The following SLC24A2 variants were observed in gnomAD, a reference collection of about 807,000 sequenced individuals.
SLC24A2 encodes the protein solute carrier family 24 member 2, also known as sodium/potassium/calcium exchanger 2.
In SLC24A2, 36 loss-of-function variants were observed where a neutral mutation model predicts 62.0. That is an observed-to-expected ratio of 0.58 (90% CI 0.44 to 0.77). The LOEUF is 0.77. Among genes scored for constraint, SLC24A2 ranks in the 30% least tolerant of loss-of-function variants. The pLI is 0.00. For missense variants in SLC24A2, 846 were observed against 817.9 expected, an observed-to-expected ratio of 1.03 and a Z score of -0.42; for synonymous variants, 358 against 294.0, an observed-to-expected ratio of 1.22 and a Z score of -2.23.
At chr9:19,780,413 G>C (rs572371519) in intron 2 of SLC24A2, among the ~76,000 whole-genome samples, 1 of 151,112 alleles carries the variant, frequency 6.6e-6, no homozygotes. Context: ...GATTACAGGC[G>C]CCTGCCACTG....
At chr9:20,224,537 G>A in the SLC24A2 span, among the ~76,000 whole-genome samples, 1 of 152,082 alleles carries the variant, frequency 6.6e-6, no homozygotes. Context: ...GAGCCATTTG[G>A]TTATATCTGC....
intron 8 of SLC24A2, among the ~76,000 whole-genome samples, chr9:19,549,616 G>T (rs1479086084): frequency 6.6e-6 from 1 of 152,194 alleles, no homozygotes; most frequent in African/African-American, 2.4e-5. Flanking sequence ...AGGCATTCCA[G>T]TAGACCGTCC....
chr9:19,844,081 G>C, the SLC24A2 span, among the ~76,000 whole-genome samples: 1 of 152,104 alleles, frequency 6.6e-6, no homozygotes, highest in East Asian at 1.9e-4. Flanking sequence ...TCTGTTTTTA[G>C]TTCTTTGAGA....
the SLC24A2 span, among the ~76,000 whole-genome samples, chr9:19,825,501 T>A: frequency 6.6e-6 from 1 of 152,104 alleles, no homozygotes; most frequent in Admixed American, 6.6e-5. Flanking sequence ...CAATGGGGAC[T>A]CATTCAATAT....
the SLC24A2 span, among the ~76,000 whole-genome samples, chr9:20,238,015 G>C: frequency 1.3e-5 from 2 of 152,130 alleles, no homozygotes; most frequent in African/African-American, 4.8e-5. Context: ...TCCTAATTTG[G>C]AGCTCCTGAC....
At chr9:20,052,532 T>C in the SLC24A2 span, among the ~76,000 whole-genome samples, 2 of 152,226 alleles carry the variant, frequency 1.3e-5, no homozygotes, top group Non-Finnish European at 2.9e-5. Flanking sequence ...GTTTTTTCCA[T>C]GGGTTTTCTT....
At chr9:19,549,515 G>GT (rs1272362187) in intron 8 of SLC24A2, among the ~76,000 whole-genome samples, 1 of 152,152 alleles carries the variant, frequency 6.6e-6, no homozygotes, top group Non-Finnish European at 1.5e-5. Flanking sequence ...TTCACTCTTG[G>GT]AGTCCTGACT....
At chr9:19,923,480 T>C in the SLC24A2 span, among the ~76,000 whole-genome samples, 1 of 152,146 alleles carries the variant, frequency 6.6e-6, no homozygotes, top group Non-Finnish European at 1.5e-5. Context: ...CTGACCTGGC[T>C]CTTTCCACTC....
the SLC24A2 span, among the ~76,000 whole-genome samples, chr9:19,885,287 G>C: frequency 6.6e-6 from 1 of 152,148 alleles, no homozygotes; most frequent in Non-Finnish European, 1.5e-5. Context: ...TAGTAAGGAA[G>C]AACAGTTCTT....
At chr9:19,764,099 T>C (rs891571376) in intron 2 of SLC24A2, among the ~76,000 whole-genome samples, 13 of 152,236 alleles carry the variant, frequency 8.5e-5, no homozygotes, top group African/African-American at 2.9e-4. Flanking sequence ...TTTATTTGCA[T>C]AGAGGTGTTT....
chr9:19,520,486 G>T (rs142621385), intron 10 of SLC24A2, among the ~76,000 whole-genome samples: 7 of 152,128 alleles, frequency 4.6e-5, no homozygotes, highest in African/African-American at 1.7e-4. Flanking sequence ...TGTATGGTAG[G>T]CCTATGTTTT....
chr9:20,109,804 G>A, the SLC24A2 span, among the ~76,000 whole-genome samples: 6 of 152,210 alleles, frequency 3.9e-5, no homozygotes, highest in African/African-American at 1.2e-4. Context: ...ACCCAAGGGC[G>A]TGGTCTAGAG....
At chr9:19,974,619 T>C in the SLC24A2 span, among the ~76,000 whole-genome samples, 2 of 152,186 alleles carry the variant, frequency 1.3e-5, no homozygotes, top group Non-Finnish European at 2.9e-5. Context: ...TAGGCAACAT[T>C]GGAAACAATT....
At chr9:19,992,321 C>A in the SLC24A2 span, among the ~76,000 whole-genome samples, 1 of 152,122 alleles carries the variant, frequency 6.6e-6, no homozygotes, top group African/African-American at 2.4e-5. Flanking sequence ...TTGATGACAG[C>A]ATTTCTGTAT....
the SLC24A2 span, among the ~76,000 whole-genome samples, chr9:20,068,735 G>C: frequency 5.3e-5 from 8 of 152,120 alleles, no homozygotes; most frequent in Non-Finnish European, 8.8e-5. Flanking sequence ...TGTTTCAACT[G>C]TCTGCCCAAA....
chr9:19,561,548 C>T (rs543917330), intron 7 of SLC24A2, among the ~76,000 whole-genome samples: 2 of 150,916 alleles, frequency 1.3e-5, no homozygotes, highest in African/African-American at 4.9e-5. Flanking sequence ...GATTTTCCTG[C>T]CTCAGCCTCC....
the SLC24A2 span, among the ~76,000 whole-genome samples, chr9:19,812,133 C>T: frequency 6.6e-6 from 1 of 152,020 alleles, no homozygotes; most frequent in Non-Finnish European, 1.5e-5. Flanking sequence ...AATTACTTTC[C>T]ATTTAATTGT....
the SLC24A2 span, among the ~76,000 whole-genome samples, chr9:19,903,349 T>C: frequency 6.6e-6 from 1 of 152,316 alleles, no homozygotes. Flanking sequence ...GAGTGAGCTC[T>C]GGTCCCTTTT....
chr9:20,208,795 T>C, the SLC24A2 span, among the ~76,000 whole-genome samples: 1 of 152,228 alleles, frequency 6.6e-6, no homozygotes, highest in Non-Finnish European at 1.5e-5. Context: ...AAACCCGTTC[T>C]GGAGCTGGGA....
Sources: gnomAD v4.1 joint callset for allele counts (sites outside exome capture counted in the v4.1 genomes callset) on GRCh38, gnomAD v4.1.1 for gene constraint, MANE v1.5 for transcripts, NCBI Gene and HGNC (gene_info 2026-07-23, HGNC 2026-07-21) for gene names.